ADGRV1: variants seen among roughly 807,000 people sequenced by gnomAD.
The protein encoded by ADGRV1 is adhesion G protein-coupled receptor V1, also known as G-protein coupled receptor 98.
Under a neutral mutation model 596.2 loss-of-function variants are expected in ADGRV1, and 359 were observed. That is an observed-to-expected ratio of 0.60 (90% CI 0.55 to 0.66). The LOEUF (loss-of-function observed/expected upper bound fraction) is 0.66, where lower values mean the gene tolerates loss of function less well. Ranked by LOEUF, ADGRV1 falls within the 30% of genes least tolerant of loss-of-function variation. ADGRV1 has a pLI of 0.00. For missense variants in ADGRV1, 7,274 were observed against 7,575.6 expected (o/e 0.96, Z 1.48); for synonymous variants, 2,681 against 2,679.2 (o/e 1.00, Z -0.02).
At chr5:91,078,743 A>G (rs114902086) in intron 86 of ADGRV1, among the ~76,000 whole-genome samples, 1,597 of 152,332 alleles carry the variant, frequency 0.01, 11 homozygotes, top group South Asian at 0.027. Context: ...AGACATGGAC[A>G]TGTGAGTGAA....
At chr5:90,655,721 G>A (rs116551415) in intron 20 of ADGRV1, 30 of 151,710 alleles carry the variant, frequency 2.0e-4, no homozygotes, top group Admixed American at 5.3e-4. Flanking sequence ...TTTACTTTTG[G>A]TTTGTAGTGG....
chr5:90,708,377 A>G (rs946765028), intron 38 of ADGRV1, among the ~76,000 whole-genome samples: 1 of 151,648 alleles, frequency 6.6e-6, no homozygotes, highest in Non-Finnish European at 1.5e-5. Context: ...GAGTTCTAAA[A>G]TTTAAGTAAC....
chr5:90,654,959 G>A (rs1769190319), intron 20 of ADGRV1: 1 of 152,058 alleles, frequency 6.6e-6, no homozygotes, highest in Admixed American at 6.6e-5. Flanking sequence ...TTTTTCCTCT[G>A]ACTTACTGCA....
intron 37 of ADGRV1, among the ~76,000 whole-genome samples, chr5:90,706,016 T>C (rs1748542741): frequency 6.6e-6 from 1 of 152,048 alleles, no homozygotes; most frequent in Non-Finnish European, 1.5e-5. Context: ...CATATCCAAA[T>C]TCAAAGTCTA....
At position 90,756,974 on chromosome 5, in the gene ADGRV1, TA is replaced by T; in HGVS notation, c.11758-2del. Reference sequence around the variant, plus strand: ...TTGCCTTTCAATTATATTCTTTACTTAAAGGGCGCTGGGGAAGTTATTACTG... The same window carrying T: ...TTGCCTTTCAATTATATTCTTTACTTAAGGGCGCTGGGGAAGTTATTACTG... On this transcript the variant is annotated splice_region_variant and splice_polypyrimidine_tract_variant and intron_variant, in intron 56 of 89. Transcript: ENST00000405460. The T allele has an allele frequency of 6.3e-7, 1 of 1,577,926 alleles. No individual in the cohort carries two copies. The highest frequency in any genetic ancestry group is 1.2e-5 in the South Asian group (1 of 84,984).
At chr5:90,824,017 C>G (rs576126143) in intron 76 of ADGRV1, among the ~76,000 whole-genome samples, 78 of 152,272 alleles carry the variant, frequency 5.1e-4, no homozygotes, top group Non-Finnish European at 3.5e-4. Context: ...TGTCGATATG[C>G]TAACTCTTCT....
At chr5:91,149,411 C>T (rs1436490006) in intron 87 of ADGRV1, among the ~76,000 whole-genome samples, 1 of 152,136 alleles carries the variant, frequency 6.6e-6, no homozygotes, top group African/African-American at 2.4e-5. Context: ...CTGGCATTTC[C>T]CCTCCTTGCA....
At chr5:91,130,522 CAAAAAAAAAAA>C (rs11423089) in intron 87 of ADGRV1, among the ~76,000 whole-genome samples, 1 of 73,350 alleles carries the variant, frequency 1.4e-5, no homozygotes, top group Non-Finnish European at 2.3e-5. Context: ...AACTCCATCT[CAAAAAAAAAAA>C]AAAAAAAAAA....
At chr5:90,954,652 A>G (rs1387196154) in intron 83 of ADGRV1, among the ~76,000 whole-genome samples, 1 of 152,060 alleles carries the variant, frequency 6.6e-6, no homozygotes, top group African/African-American at 2.4e-5. Flanking sequence ...TTCTTTTATT[A>G]TTTCTATTCC....
chr5:90,577,476 G>A (rs1399860271), intron 1 of ADGRV1, among the ~76,000 whole-genome samples: 1 of 152,084 alleles, frequency 6.6e-6, no homozygotes. Context: ...ATTGATCTAT[G>A]TATCTGTTTT....
intron 78 of ADGRV1, among the ~76,000 whole-genome samples, 177 bp downstream of exon 78, chr5:90,841,162 A>G (rs1041770146): frequency 6.6e-6 from 1 of 152,188 alleles, no homozygotes; most frequent in African/African-American, 2.4e-5. Context: ...TTCCTTGGAT[A>G]TGACTGATGC....
intron 78 of ADGRV1, among the ~76,000 whole-genome samples, chr5:90,842,763 T>C (rs1475519267): frequency 1.3e-5 from 2 of 152,172 alleles, no homozygotes; most frequent in Non-Finnish European, 2.9e-5. Context: ...ATTTGAATTC[T>C]TAAAAGAAAA....
chr5:90,932,725 CAA>C (rs1160176711), intron 83 of ADGRV1, among the ~76,000 whole-genome samples: 1 of 86,642 alleles, frequency 1.2e-5, no homozygotes, highest in Non-Finnish European at 2.8e-5. Flanking sequence ...CTGCAAAAGA[CAA>C]ACAGTGATTT....
chr5:91,099,378 A>G (rs1791166044), intron 86 of ADGRV1, among the ~76,000 whole-genome samples: 1 of 151,492 alleles, frequency 6.6e-6, no homozygotes, highest in Non-Finnish European at 1.5e-5. Context: ...AATTCCATCT[A>G]CAGCCACCAG....
At chr5:90,721,624 G>A (rs1158326055) in intron 45 of ADGRV1, among the ~76,000 whole-genome samples, 1 of 135,546 alleles carries the variant, frequency 7.4e-6, no homozygotes, top group Non-Finnish European at 1.6e-5. Context: ...GCATGGCACT[G>A]AACTCGTGGA....
At chr5:91,051,304 A>G (rs187455602) in intron 85 of ADGRV1, among the ~76,000 whole-genome samples, 2 of 152,324 alleles carry the variant, frequency 1.3e-5, no homozygotes, top group East Asian at 3.9e-4. Context: ...TACAAAAGCA[A>G]TATATATTCA....
intron 87 of ADGRV1, among the ~76,000 whole-genome samples, chr5:91,121,319 C>G (rs900753108): frequency 2.6e-5 from 4 of 152,100 alleles, no homozygotes; most frequent in Non-Finnish European, 5.9e-5. Flanking sequence ...CTCATTGCTC[C>G]TTTCTAACTT....
chr5:90,705,552 T>C lies in ADGRV1; in HGVS notation c.8539T>C (p.Phe2847Leu), dbSNP rs1490873012. Residue 2847 changes from phenylalanine to leucine, a missense_variant, in exon 37 of 90, where the codon TTC (phenylalanine) becomes CTC (leucine). By Grantham distance (22) the Phe-to-Leu change is conservative. Transcript: ENST00000405460. The stretch of plus-strand genomic sequence containing the variant: ...AGAGGCTAACATAACAATTCAGCTT[T>C]TCATCAACAGAGAATTTGGATCTCT... ...LQEANITIQL[F>L]INREFGSLGA... The C allele has an allele frequency of 6.2e-7, 1 of 1,613,678 alleles. No individual in the cohort carries two copies. The highest frequency in any genetic ancestry group is 8.5e-7 in the Non-Finnish European group (1 of 1,179,800).
At chr5:90,969,701 A>T (rs1328860462) in intron 84 of ADGRV1, among the ~76,000 whole-genome samples, 2 of 152,218 alleles carry the variant, frequency 1.3e-5, no homozygotes, top group Non-Finnish European at 2.9e-5. Flanking sequence ...TCACTCCTTG[A>T]AACTATTGAA....
Sources: gnomAD v4.1 joint callset for allele counts (sites outside exome capture counted in the v4.1 genomes callset) on GRCh38, gnomAD v4.1.1 for gene constraint, MANE v1.5 for transcripts, NCBI Gene and HGNC (gene_info 2026-07-23, HGNC 2026-07-21) for gene names.